Variants in POLD3 observed in about 807,000 individuals in gnomAD.
The protein encoded by POLD3 is DNA polymerase delta subunit 3.
POLD3 carries 19 observed loss-of-function variants against 58.2 expected under a neutral mutation model. That is an observed-to-expected ratio of 0.33 (90% CI 0.23 to 0.48). The LOEUF (loss-of-function observed/expected upper bound fraction) is 0.48. Among genes scored for constraint, POLD3 ranks in the 20% least tolerant of loss-of-function variants. The pLI, the probability that POLD3 is intolerant of heterozygous loss-of-function variation, is 0.99. For synonymous variants in POLD3, 172 were observed against 193.5 expected (o/e 0.89, Z 0.92); for missense variants, 504 against 545.5 (o/e 0.92, Z 0.76).
At chr11:74,661,659 T>C (rs2033208432) in intron 4 of POLD3, among the ~76,000 whole-genome samples, 1 of 152,122 alleles carries the variant, frequency 6.6e-6, no homozygotes. Flanking sequence ...TGCTGGGTCT[T>C]ACCCAAGACC....
chr11:74,634,984 T>C (rs992724200), intron 10 of POLD3, among the ~76,000 whole-genome samples: 1 of 152,180 alleles, frequency 6.6e-6, no homozygotes, highest in Non-Finnish European at 1.5e-5. Flanking sequence ...CAGCTCCTGT[T>C]AGAATGGTGT....
chr11:74,635,292 C>T (rs973382935), intron 10 of POLD3, among the ~76,000 whole-genome samples: 23 of 152,108 alleles, frequency 1.5e-4, no homozygotes, highest in Admixed American at 1.1e-3. Context: ...CTGATTTCCT[C>T]ATTAGCTGAA....
intron 6 of POLD3, 27 bp downstream of exon 6, chr11:74,618,831 C>A: frequency 6.3e-7 from 1 of 1,583,892 alleles, no homozygotes. Context: ...GATACCCCTT[C>A]ATTGCAGCTC....
intron 5 of POLD3, among the ~76,000 whole-genome samples, chr11:74,614,604 G>A (rs907996905): frequency 1.3e-5 from 2 of 152,092 alleles, no homozygotes; most frequent in African/African-American, 2.4e-5. Flanking sequence ...CAGCTGCTCA[G>A]GAGGCTGAAG....
rs373059392 is a variant in POLD3 at position 74,604,688 on chromosome 11, A to G, written c.117-4A>G. ...TTACTTGTGCCTTCTTTTCTTTGGA[A>G]TAGGATGCTGTATGATTATGTTGAA... is the stretch of plus-strand genomic sequence containing the variant. On this transcript the variant is annotated splice_polypyrimidine_tract_variant and splice_region_variant and intron_variant, in intron 2 of 11. Transcript: ENST00000263681. The G allele has an allele frequency of 6.5e-6, 10 of 1,531,362 alleles. No individual in the cohort carries two copies. In the Admixed American group the frequency reaches 1.3e-4, roughly 21 times the overall value. 94.9% of individuals were successfully genotyped at this position (1,531,362 alleles called of 1,614,324 possible).
chr11:74,648,488 A>C (rs2033029047), intron 4 of POLD3, among the ~76,000 whole-genome samples: 1 of 152,198 alleles, frequency 6.6e-6, no homozygotes, highest in Non-Finnish European at 1.5e-5. Flanking sequence ...CTGAGGGATT[A>C]AGGGAAGATT....
At chr11:74,609,372 A>ATATAT (rs2031821525) in intron 3 of POLD3, among the ~76,000 whole-genome samples, 8 of 27,192 alleles carry the variant, frequency 2.9e-4, no homozygotes, top group African/African-American at 5.6e-4. Flanking sequence ...ATATATATAT[A>ATATAT]TTTTTTTTTT....
intron 7 of POLD3, among the ~76,000 whole-genome samples, chr11:74,620,418 A>G (rs181268889): frequency 6.6e-6 from 1 of 152,314 alleles, no homozygotes; most frequent in East Asian, 1.9e-4. Flanking sequence ...GCTACGCAGT[A>G]TAGTGTTGAG....
intron 10 of POLD3, 108 bp downstream of exon 10, chr11:74,634,803 T>TA (rs1401664951): frequency 1.5e-6 from 1 of 681,820 alleles, no homozygotes; most frequent in African/African-American, 1.8e-5. Flanking sequence ...CAAATGCCAG[T>TA]AGATGGCTCT....
At chr11:74,627,920 G>C (rs2032478730) in intron 8 of POLD3, among the ~76,000 whole-genome samples, 1 of 152,052 alleles carries the variant, frequency 6.6e-6, no homozygotes, top group African/African-American at 2.4e-5. Context: ...AGTTTCCTCT[G>C]TTTTCTGAAG....
At chr11:74,609,165 T>C (rs1399895199) in intron 3 of POLD3, among the ~76,000 whole-genome samples, 2 of 151,754 alleles carry the variant, frequency 1.3e-5, no homozygotes, top group African/African-American at 4.8e-5. Context: ...CTGCTAAGGA[T>C]GCACAGTCAT....
At chr11:74,638,439 G>A (rs144669153) in intron 11 of POLD3, among the ~76,000 whole-genome samples, 257 of 152,274 alleles carry the variant, frequency 1.7e-3, no homozygotes, top group African/African-American at 6.0e-3. Flanking sequence ...GAAGTATAAT[G>A]TAGACATGCT....
rs991963602 is a variant in POLD3, at chr11:74,629,305, G to T, written c.988G>T (p.Asp330Tyr). 6.2e-7 allele frequency: 1 copy of T among 1,601,562 alleles called. No individual in the cohort carries two copies. ...GAGAAGAATCAAACTTCCTGAATCT[G>T]ATAGCAGTGAAGATGAAGGTGGGCA... ...KRRRIKLPES[D>Y]SSEDEVFPDS... is the part of the protein sequence containing the mutation. The change falls in exon 9 of 12, where the codon GAT becomes TAT. Residue 330 changes from aspartate to tyrosine, a missense_variant. Physicochemically the swap from Asp to Tyr is radical, Grantham distance 160. This residue lies in a region of POLD3 where 385 missense variants were observed against 370.5 expected (regional missense o/e 1.04). Transcript: ENST00000263681.
chr11:74,667,737 G>A (rs1024912866), intron 4 of POLD3, among the ~76,000 whole-genome samples: 1 of 152,098 alleles, frequency 6.6e-6, no homozygotes, highest in African/African-American at 2.4e-5. Context: ...AGCAACAAAA[G>A]ATAAATTGGA....
At position 74,619,853 on chromosome 11, in the gene POLD3, T is replaced by C. The variant is rs1591305151; in HGVS notation, c.661-164T>C. On this transcript the variant is annotated intron_variant, in intron 6 of 11. Transcript: ENST00000263681. ...ACCAGTTACTGTCTGGTGTGGATTA[T>C]TGTTCTAGATTTGTTCTTATATCTA... 2.0e-5 allele frequency among the ~76,000 whole-genome samples: 3 copies of C among 152,224 alleles called. No homozygotes were observed. In the East Asian group the frequency reaches 5.8e-4, roughly 29 times the overall value.
At chr11:74,621,177 G>A (rs558192721) in intron 7 of POLD3, among the ~76,000 whole-genome samples, 3 of 152,274 alleles carry the variant, frequency 2.0e-5, no homozygotes, top group Middle Eastern at 3.4e-3. Context: ...GTAGCAGTCC[G>A]TGGCCTCTTG....
chr11:74,668,958 A>G (rs2033306821), exon 5 of POLD3: 5 of 373,086 alleles, frequency 1.3e-5, no homozygotes, highest in Non-Finnish European at 2.5e-5. Flanking sequence ...CACCAAGAGA[A>G]AAAGTTTAGA....
intron 9 of POLD3, among the ~76,000 whole-genome samples, chr11:74,629,700 G>A (rs1412022793): frequency 6.6e-6 from 1 of 151,752 alleles, no homozygotes; most frequent in African/African-American, 2.4e-5. Flanking sequence ...GTCCACACAG[G>A]TAAAACTAGG....
chr11:74,597,708 GC>G (rs1270378326), intron 2 of POLD3, among the ~76,000 whole-genome samples: 1 of 152,176 alleles, frequency 6.6e-6, no homozygotes, highest in African/African-American at 2.4e-5. Flanking sequence ...CCATCCTCCT[GC>G]CTTGTCCTCC....
Sources: gnomAD v4.1 joint callset for allele counts (sites outside exome capture counted in the v4.1 genomes callset) on GRCh38, gnomAD v4.1.1 for gene constraint, gnomAD v4.1.1 regional missense constraint, MANE v1.5 for transcripts, NCBI Gene and HGNC (gene_info 2026-07-23, HGNC 2026-07-21) for gene names.